Variants in LRRTM4 observed in about 807,000 individuals in gnomAD.
LRRTM4 encodes leucine rich repeat transmembrane neuronal 4, also known as leucine-rich repeat transmembrane neuronal protein 4.
A neutral mutation model predicts 47.6 loss-of-function variants in LRRTM4; 25 were observed. The observed-to-expected ratio is 0.53, with a 90% CI of 0.38 to 0.73. The LOEUF is 0.73. Ranked by LOEUF, LRRTM4 falls within the 30% of genes least tolerant of loss-of-function variation. The probability of loss-of-function intolerance (pLI) is 0.00; values close to 1 mark genes in which losing one functional copy is unlikely to be tolerated. For synonymous variants in LRRTM4, 311 were observed against 269.5 expected (o/e 1.15, Z -1.51); for missense variants, 638 against 713.4 (o/e 0.89, Z 1.20).
intron 3 of LRRTM4, among the ~76,000 whole-genome samples, chr2:76,797,652 T>A (rs1315388270): frequency 1.3e-5 from 2 of 151,416 alleles, no homozygotes; most frequent in East Asian, 1.9e-4. Flanking sequence ...AATGCTCCAA[T>A]TAAAAGACAC....
At chr2:77,414,789 C>T (rs1674575957) in intron 3 of LRRTM4, among the ~76,000 whole-genome samples, 1 of 152,154 alleles carries the variant, frequency 6.6e-6, no homozygotes, top group Admixed American at 6.5e-5. Flanking sequence ...TGCCTCCTGC[C>T]CCGCTCTATA....
At chr2:76,800,536 G>T (rs1020328130) in intron 3 of LRRTM4, among the ~76,000 whole-genome samples, 1 of 147,572 alleles carries the variant, frequency 6.8e-6, no homozygotes, top group Non-Finnish European at 1.5e-5. Flanking sequence ...TTAGGACATA[G>T]GCATGGGCAA....
At chr2:76,868,390 AT>A (rs34940225) in intron 3 of LRRTM4, among the ~76,000 whole-genome samples, 1 of 152,086 alleles carries the variant, frequency 6.6e-6, no homozygotes, top group East Asian at 1.9e-4. Flanking sequence ...TTTTCAAGAA[AT>A]TTTTTTTAGT....
intron 3 of LRRTM4, among the ~76,000 whole-genome samples, chr2:77,410,755 A>G (rs1674387500): frequency 6.6e-6 from 1 of 152,200 alleles, no homozygotes; most frequent in African/African-American, 2.4e-5. Context: ...AGGGAGGGTT[A>G]TTAAAATCAC....
At chr2:77,320,730 T>G (rs1341085045) in intron 3 of LRRTM4, among the ~76,000 whole-genome samples, 1 of 152,066 alleles carries the variant, frequency 6.6e-6, no homozygotes, top group Non-Finnish European at 1.5e-5. Context: ...TATTTAAAAT[T>G]TTTAATGTTT....
intron 3 of LRRTM4, among the ~76,000 whole-genome samples, chr2:77,430,930 G>A (rs1675349240): frequency 2.0e-5 from 3 of 148,458 alleles, no homozygotes; most frequent in Non-Finnish European, 4.4e-5. Context: ...TCAGAGGAAA[G>A]GCCAATTTGC....
At position 77,052,150 on chromosome 2, in the gene LRRTM4, C is replaced by CTTTTTTTTTT. The variant is rs70939841; in HGVS notation, c.1552-303244_1552-303235dup. Reference sequence around the variant, plus strand: ...GCAAAAAAAAATACCGTTACATTTCCTTTTTTTTTTTTTTTTTTTTTTTGA... The same window carrying CTTTTTTTTTT: ...GCAAAAAAAAATACCGTTACATTTCCTTTTTTTTTTTTTTTTTTTTTTTTTTTTTTTTTGA... On this transcript the variant is annotated intron_variant, in intron 3 of 3. Transcript: ENST00000409884. Among the ~76,000 whole-genome samples, 16 of 63,598 alleles carry CTTTTTTTTTT rather than the reference C, an allele frequency of 2.5e-4. 1 individual carries two copies. The highest frequency in any genetic ancestry group is 9.6e-4 in the African/African-American group (14 of 14,580). The allele number at this position is 63,598 out of a possible 152,430, so 41.7% of individuals were successfully genotyped here. A position where few individuals can be genotyped will look rare whatever the true frequency, so the allele number is the denominator to read the frequency against.
chr2:76,876,929 A>C (rs1359284455), intron 3 of LRRTM4, among the ~76,000 whole-genome samples: 1 of 152,082 alleles, frequency 6.6e-6, no homozygotes, highest in Non-Finnish European at 1.5e-5. Context: ...AAATTGTTTA[A>C]AATAAAGGTT....
intron 3 of LRRTM4, among the ~76,000 whole-genome samples, chr2:76,811,560 C>T (rs983089423): frequency 3.3e-5 from 5 of 152,122 alleles, no homozygotes; most frequent in Admixed American, 6.6e-5. Context: ...CCCTTTGGCT[C>T]TCATTTCAGT....
At chr2:77,221,027 C>A (rs984489299) in intron 3 of LRRTM4, among the ~76,000 whole-genome samples, 3 of 152,182 alleles carry the variant, frequency 2.0e-5, no homozygotes, top group African/African-American at 7.2e-5. Context: ...TTCTACAAGC[C>A]AGAAGAGAGT....
chr2:77,213,675 A>C (rs1674357540), intron 3 of LRRTM4, among the ~76,000 whole-genome samples: 1 of 152,172 alleles, frequency 6.6e-6, no homozygotes. Context: ...ACTGAGGTCT[A>C]TAACATCCAA....
At chr2:77,042,312 T>C (rs1679061016) in intron 3 of LRRTM4, among the ~76,000 whole-genome samples, 1 of 151,670 alleles carries the variant, frequency 6.6e-6, no homozygotes, top group African/African-American at 2.4e-5. Flanking sequence ...CACAGCAGTA[T>C]GATAAAATAT....
At chr2:77,118,343 T>C (rs577970055) in intron 3 of LRRTM4, among the ~76,000 whole-genome samples, 2 of 151,972 alleles carry the variant, frequency 1.3e-5, no homozygotes, top group South Asian at 4.1e-4. Flanking sequence ...CTCAGAAAAG[T>C]ATCTACTTTT....
intron 3 of LRRTM4, among the ~76,000 whole-genome samples, chr2:76,942,726 T>G (rs1314795375): frequency 7.2e-6 from 1 of 138,134 alleles, no homozygotes; most frequent in Non-Finnish European, 1.5e-5. Context: ...ACAAAGTAGA[T>G]ATACATTTTT....
At chr2:77,119,151 T>C (rs963040762) in intron 3 of LRRTM4, among the ~76,000 whole-genome samples, 2 of 151,890 alleles carry the variant, frequency 1.3e-5, no homozygotes, top group African/African-American at 4.8e-5. Context: ...CAGTTATCTA[T>C]ACAATGTATG....
chr2:76,809,124 T>C (rs1421879787), intron 3 of LRRTM4, among the ~76,000 whole-genome samples: 3 of 152,056 alleles, frequency 2.0e-5, no homozygotes, highest in Admixed American at 2.0e-4. Flanking sequence ...ATTTAGAAAA[T>C]AGACAAGAAA....
chr2:77,140,885 T>C (rs1043700654), intron 3 of LRRTM4, among the ~76,000 whole-genome samples: 12 of 152,298 alleles, frequency 7.9e-5, no homozygotes, highest in African/African-American at 2.2e-4. Context: ...TCATCATCAC[T>C]GGCCATCAGA....
intron 3 of LRRTM4, among the ~76,000 whole-genome samples, chr2:77,462,052 T>C (rs982734016): frequency 4.1e-4 from 62 of 152,128 alleles, no homozygotes; most frequent in Non-Finnish European, 7.1e-4. Context: ...CCTAGTAATA[T>C]ACTCATTTAA....
intron 2 of LRRTM4, among the ~76,000 whole-genome samples, chr2:77,520,859 G>A (rs973916889): frequency 6.6e-5 from 10 of 151,776 alleles, no homozygotes; most frequent in Admixed American, 2.0e-4. Context: ...TGCATGTTAA[G>A]GGACTTCTTT....
Sources: allele counts gnomAD v4.1 joint callset (sites outside exome capture counted in the v4.1 genomes callset), GRCh38; gene constraint gnomAD v4.1.1; transcripts MANE v1.5; gene names NCBI Gene and HGNC (gene_info 2026-07-23, HGNC 2026-07-21).